RFX3: variants seen among roughly 807,000 people sequenced by gnomAD.
RFX3 encodes the protein regulatory factor X3.
In RFX3, 14 loss-of-function variants were observed where a neutral mutation model predicts 98.6. The ratio of observed to expected loss-of-function variants is 0.14; its 90% CI spans 0.09 to 0.22. The LOEUF is 0.22. Ranked by LOEUF, RFX3 falls within the 10% of genes least tolerant of loss-of-function variation. The pLI is 1.00. For missense variants in RFX3, 639 were observed against 926.9 expected (o/e 0.69, Z 4.03); for synonymous variants, 383 against 328.4 (o/e 1.17, Z -1.80).
chr9:3,228,958 T>C (rs1818123076), intron 15 of RFX3, 69 bp from the exon 16 acceptor site: 2 of 1,381,672 alleles, frequency 1.4e-6, no homozygotes, highest in Non-Finnish European at 2.0e-6. Context: ...TATCAGTCTG[T>C]AGTAAAAATG....
intron 1 of RFX3, among the ~76,000 whole-genome samples, chr9:3,426,629 G>A (rs1039873584): frequency 8.5e-5 from 13 of 152,086 alleles, no homozygotes; most frequent in East Asian, 1.9e-4. Flanking sequence ...TCAGAGCAGC[G>A]GCAGCATTCG....
chr9:3,484,707 A>G (rs1850097101), intron 1 of RFX3, among the ~76,000 whole-genome samples: 1 of 152,172 alleles, frequency 6.6e-6, no homozygotes, highest in African/African-American at 2.4e-5. Context: ...TCAAGGTAGG[A>G]CCAAAACTGG....
chr9:3,349,974 C>A (rs1230906558), intron 2 of RFX3, among the ~76,000 whole-genome samples: 1 of 151,520 alleles, frequency 6.6e-6, no homozygotes, highest in Non-Finnish European at 1.5e-5. Context: ...TAAGCAAAAC[C>A]GAAGACAAAT....
At chr9:3,324,278 C>G (rs1259407823) in intron 4 of RFX3, 1 of 202,456 alleles carries the variant, frequency 4.9e-6, no homozygotes, top group Non-Finnish European at 1.1e-5. Context: ...GTGATTTATG[C>G]ATAATTTATG....
chr9:3,497,485 A>G (rs926345766), intron 1 of RFX3, among the ~76,000 whole-genome samples: 2 of 152,022 alleles, frequency 1.3e-5, no homozygotes, highest in Non-Finnish European at 1.5e-5. Context: ...TTTACATTGA[A>G]CTGGAGCTGT....
chr9:3,363,205 G>C (rs962364869), intron 2 of RFX3, among the ~76,000 whole-genome samples: 1 of 152,220 alleles, frequency 6.6e-6, no homozygotes, highest in African/African-American at 2.4e-5. Flanking sequence ...GCTTACTGCA[G>C]TATTAGGAGA....
At chr9:3,427,267 T>C (rs1320320258) in intron 1 of RFX3, among the ~76,000 whole-genome samples, 1 of 143,788 alleles carries the variant, frequency 7.0e-6, no homozygotes, top group Non-Finnish European at 1.5e-5. Flanking sequence ...ATACTATATA[T>C]ATATTTTATT....
intron 1 of RFX3, among the ~76,000 whole-genome samples, chr9:3,406,103 C>G (rs1437822107): frequency 1.3e-5 from 2 of 151,970 alleles, no homozygotes; most frequent in African/African-American, 4.8e-5. Context: ...ACCATGTGCA[C>G]ATGCCACCAC....
chr9:3,435,580 T>C (rs1845051925), intron 1 of RFX3, among the ~76,000 whole-genome samples: 1 of 151,930 alleles, frequency 6.6e-6, no homozygotes, highest in African/African-American at 2.4e-5. Flanking sequence ...AGTTCATGAC[T>C]GCATTTTATT....
At position 3,225,243 on chromosome 9, in the gene RFX3, T is replaced by C. The variant is rs768920584; in HGVS notation, c.2049A>G (p.Glu683=). The C allele has an allele frequency of 6.2e-7, 1 of 1,613,796 alleles. No homozygotes were observed. The highest frequency in any genetic ancestry group is 1.1e-5 in the South Asian group (1 of 91,082). The change falls in exon 17 of 17, where the codon GAA becomes GAG. Residue 683 remains glutamate (E), a synonymous_variant. Coordinates refer to ENST00000617270, the MANE Select transcript of RFX3 (RefSeq NM_001282116.2). ...GSEVESEMDE[E]LDDSSEPQAK... ...CTTGAGGCTCTGAAGAGTCATCCAGTTCTTCATCCATTTCACTTTCTACTT... is the reference window on the plus strand; with the variant it reads ...CTTGAGGCTCTGAAGAGTCATCCAGCTCTTCATCCATTTCACTTTCTACTT...
chr9:3,385,700 A>AAAAAGAAAAG (rs57000431), intron 2 of RFX3, among the ~76,000 whole-genome samples: 4 of 145,382 alleles, frequency 2.8e-5, no homozygotes, highest in Non-Finnish European at 4.5e-5. Flanking sequence ...AAAAAAAAAA[A>AAAAAGAAAAG]AAAAGAAAAG....
intron 15 of RFX3, chr9:3,246,972 G>T (rs1177385220): frequency 1.4e-6 from 1 of 728,090 alleles, no homozygotes; most frequent in South Asian, 6.3e-5. Context: ...GGAGGTCCTT[G>T]AAGTATTTTA....
At chr9:3,251,711 T>G (rs1227487637) in intron 14 of RFX3, among the ~76,000 whole-genome samples, 1 of 152,156 alleles carries the variant, frequency 6.6e-6, no homozygotes, top group African/African-American at 2.4e-5. Flanking sequence ...ATGTCATTCA[T>G]TATATAATAA....
At chr9:3,338,164 G>A (rs2131006616) in intron 3 of RFX3, among the ~76,000 whole-genome samples, 1 of 151,872 alleles carries the variant, frequency 6.6e-6, no homozygotes, top group Admixed American at 6.6e-5. Flanking sequence ...TACTACATAA[G>A]AATAAAAAAG....
intron 14 of RFX3, among the ~76,000 whole-genome samples, chr9:3,250,783 T>A (rs1036992860): frequency 1.3e-5 from 2 of 151,996 alleles, no homozygotes; most frequent in African/African-American, 2.4e-5. Context: ...TAGACATAAG[T>A]AGTAACATAC....
At chr9:3,275,419 G>T (rs766465991) in intron 9 of RFX3, 81 bp downstream of exon 9, 4 of 763,060 alleles carry the variant, frequency 5.2e-6, no homozygotes, top group Middle Eastern at 5.4e-4. Flanking sequence ...CTGTCCTTTA[G>T]GAATAAGCTT....
intron 7 of RFX3, among the ~76,000 whole-genome samples, chr9:3,281,093 T>G (rs530950157): frequency 7.2e-5 from 11 of 151,866 alleles, no homozygotes; most frequent in Non-Finnish European, 1.0e-4. Flanking sequence ...TACTGTATTA[T>G]GGGTAGGCCA....
chr9:3,318,291 A>G (rs1340825240), intron 4 of RFX3, among the ~76,000 whole-genome samples: 2 of 152,152 alleles, frequency 1.3e-5, no homozygotes, highest in East Asian at 3.9e-4. Flanking sequence ...CAAACACCAC[A>G]TGTTCTCACT....
intron 1 of RFX3, among the ~76,000 whole-genome samples, chr9:3,396,375 A>C (rs527784658): frequency 3.9e-5 from 6 of 152,048 alleles, no homozygotes; most frequent in South Asian, 2.1e-4. Context: ...TTAACTCATC[A>C]TTTTTTATGG....
Sources: gnomAD v4.1 joint callset for allele counts (sites outside exome capture counted in the v4.1 genomes callset) on GRCh38, gnomAD v4.1.1 for gene constraint, MANE v1.5 for transcripts, NCBI Gene and HGNC (gene_info 2026-07-23, HGNC 2026-07-21) for gene names.